SDK1: variants seen among roughly 807,000 people sequenced by gnomAD.
The protein encoded by SDK1 is sidekick cell adhesion molecule 1.
A neutral mutation model predicts 245.5 loss-of-function variants in SDK1; 157 were observed. That is an observed-to-expected ratio of 0.64 (90% CI 0.56 to 0.73). The LOEUF (loss-of-function observed/expected upper bound fraction) is 0.73, where lower values mean the gene tolerates loss of function less well. SDK1 is among the 30% of genes least tolerant of loss of function. The pLI is 0.00. For missense variants in SDK1, 3,583 were observed against 3,002.3 expected, an observed-to-expected ratio of 1.19 and a Z score of -4.52; for synonymous variants, 1,647 against 1,278.5, an observed-to-expected ratio of 1.29 and a Z score of -6.15.
In SDK1 at chr7:3,573,739, T is replaced by A. The variant is rs537115561; in HGVS notation, c.299-45341T>A. On this transcript the variant is annotated intron_variant, in intron 1 of 44. Coordinates refer to ENST00000404826, the MANE Select transcript of SDK1 (RefSeq NM_152744.4). ...GAGGCTTTCTGGGAGCCAGGCTGCG[T>A]GGTGGCTGATGTGGCCACATAACAT... Among the ~76,000 whole-genome samples the A allele has an allele frequency of 1.1e-4, 17 of 152,150 alleles. No homozygotes were observed. The South Asian group carries it at 3.3e-3, about 30-fold the overall frequency.
Position 4,106,646 on chromosome 7 carries a change from G to A in SDK1, c.3325-4017G>A, listed in dbSNP as rs566202955. On this transcript the variant is annotated intron_variant, in intron 22 of 44. Transcript: ENST00000404826. ...GTTTCCCAGCATCTCTGCAGAGGGA[G>A]CCGCACGCCCGGCGTTCTCAGAGAA... 9.2e-5 allele frequency among the ~76,000 whole-genome samples: 14 copies of A among 152,306 alleles called. No homozygotes were observed. The South Asian group carries it at 2.1e-3, about 23-fold the overall frequency.
chr7:3,714,097 G>A (rs866037448), intron 4 of SDK1, among the ~76,000 whole-genome samples: 2 of 152,274 alleles, frequency 1.3e-5, no homozygotes, highest in African/African-American at 4.8e-5. Context: ...AGGAGGAAGC[G>A]TTTAAAGTAT....
chr7:3,495,056 G>A (rs1306779069), intron 1 of SDK1, among the ~76,000 whole-genome samples: 1 of 151,946 alleles, frequency 6.6e-6, no homozygotes, highest in African/African-American at 2.4e-5. Flanking sequence ...TCTCTCTAAA[G>A]TGCTGTTACT....
At chr7:3,768,864 C>G (rs931749560) in intron 4 of SDK1, among the ~76,000 whole-genome samples, 1 of 152,200 alleles carries the variant, frequency 6.6e-6, no homozygotes, top group African/African-American at 2.4e-5. Flanking sequence ...CTTCCCCACT[C>G]CTTTAGATCC....
At chr7:4,074,812 G>A (rs180684804) in intron 20 of SDK1, among the ~76,000 whole-genome samples, 64 of 145,806 alleles carry the variant, frequency 4.4e-4, no homozygotes, top group African/African-American at 1.6e-3. Flanking sequence ...GCAGTGAGCC[G>A]TGATCACCCC....
intron 1 of SDK1, among the ~76,000 whole-genome samples, chr7:3,478,997 C>G (rs1437153711): frequency 6.6e-6 from 1 of 152,024 alleles, no homozygotes; most frequent in Non-Finnish European, 1.5e-5. Flanking sequence ...ATACTGATTT[C>G]TAACTTGATT....
chr7:3,755,790 C>T (rs1231987507), intron 4 of SDK1, among the ~76,000 whole-genome samples: 5 of 151,710 alleles, frequency 3.3e-5, no homozygotes, highest in African/African-American at 9.7e-5. Context: ...ACCTGAGTCC[C>T]TTCACGTGGT....
chr7:4,171,910 G>A (rs995537325), intron 32 of SDK1, among the ~76,000 whole-genome samples: 1 of 152,168 alleles, frequency 6.6e-6, no homozygotes, highest in Non-Finnish European at 1.5e-5. Context: ...GCACACCGTG[G>A]GGGGAACACA....
chr7:3,363,642 C>T (rs1035340095), intron 1 of SDK1, among the ~76,000 whole-genome samples: 4 of 152,134 alleles, frequency 2.6e-5, no homozygotes, highest in Non-Finnish European at 4.4e-5. Context: ...TTCCACCTCA[C>T]GTCATCAGGC....
chr7:3,570,037 G>C (rs566701360), intron 1 of SDK1, among the ~76,000 whole-genome samples: 16 of 152,098 alleles, frequency 1.1e-4, no homozygotes, highest in Non-Finnish European at 2.1e-4. Flanking sequence ...ACACACACCA[G>C]CTCCATCATT....
chr7:4,182,562 A>T (rs1190197629), intron 35 of SDK1, among the ~76,000 whole-genome samples: 1 of 152,214 alleles, frequency 6.6e-6, no homozygotes, highest in Non-Finnish European at 1.5e-5. Context: ...GGCAGGTGGA[A>T]TCAGTGTCTC....
intron 1 of SDK1, among the ~76,000 whole-genome samples, chr7:3,601,206 T>C (rs548004228): frequency 1.3e-5 from 2 of 152,290 alleles, no homozygotes; most frequent in African/African-American, 2.4e-5. Context: ...GTCAAGATTT[T>C]ATATCAAGGT....
intron 4 of SDK1, among the ~76,000 whole-genome samples, chr7:3,709,474 C>T (rs2115016584): frequency 6.6e-6 from 1 of 152,322 alleles, no homozygotes; most frequent in East Asian, 1.9e-4. Context: ...TGCCAGGTTC[C>T]CTGGAGGCAG....
chr7:3,447,186 C>G (rs1780365688), intron 1 of SDK1, among the ~76,000 whole-genome samples: 1 of 152,060 alleles, frequency 6.6e-6, no homozygotes, highest in African/African-American at 2.4e-5. Flanking sequence ...AGATATTATT[C>G]ATTAACCTAT....
At chr7:3,874,541 G>A (rs1264694317) in intron 5 of SDK1, among the ~76,000 whole-genome samples, 2 of 152,142 alleles carry the variant, frequency 1.3e-5, no homozygotes, top group Non-Finnish European at 2.9e-5. Flanking sequence ...TTCCCTACCT[G>A]TCATGCTGGG....
chr7:3,629,725 A>C (rs933580637), intron 2 of SDK1, among the ~76,000 whole-genome samples: 2 of 152,262 alleles, frequency 1.3e-5, no homozygotes, highest in Non-Finnish European at 2.9e-5. Context: ...ATAGGAATGC[A>C]AAAATTTCCA....
chr7:4,035,056 G>A (rs1188112905), intron 17 of SDK1, among the ~76,000 whole-genome samples: 7 of 152,230 alleles, frequency 4.6e-5, no homozygotes, highest in East Asian at 1.9e-4. Context: ...TTGGCTCACC[G>A]CAACTTCCAC....
chr7:3,311,820 C>T (rs1779557552), intron 1 of SDK1, among the ~76,000 whole-genome samples: 1 of 152,134 alleles, frequency 6.6e-6, no homozygotes. Flanking sequence ...TCCCTAGGTG[C>T]CAGCTATGAA....
intron 29 of SDK1, among the ~76,000 whole-genome samples, chr7:4,148,628 G>C (rs1218856417): frequency 6.6e-6 from 1 of 152,216 alleles, no homozygotes; most frequent in Admixed American, 6.5e-5. Context: ...ACAGGGCTTG[G>C]AACAGCCCCC....
Sources: gnomAD v4.1 joint callset for allele counts (sites outside exome capture counted in the v4.1 genomes callset) on GRCh38, gnomAD v4.1.1 for gene constraint, MANE v1.5 for transcripts, NCBI Gene and HGNC (gene_info 2026-07-23, HGNC 2026-07-21) for gene names.